Variants in TRAPPC9 observed in about 807,000 individuals in gnomAD.
The protein encoded by TRAPPC9 is IKK2 binding protein.
In TRAPPC9, 83 loss-of-function variants were observed where a neutral mutation model predicts 124.0. The ratio of observed to expected loss-of-function variants is 0.67; its 90% CI spans 0.56 to 0.80. TRAPPC9 has a LOEUF of 0.80. Among genes scored for constraint, TRAPPC9 ranks in the 30% least tolerant of loss-of-function variants. The pLI is 0.00. For synonymous variants in TRAPPC9, 638 were observed against 617.5 expected, an observed-to-expected ratio of 1.03 and a Z score of -0.49; for missense variants, 1,302 against 1,508.3, an observed-to-expected ratio of 0.86 and a Z score of 2.27.
chr8:140,101,532 C>CTTGT, intron 17 of TRAPPC9, among the ~76,000 whole-genome samples: 1 of 78,722 alleles, frequency 1.3e-5, no homozygotes, highest in Non-Finnish European at 2.2e-5. Context: ...GTAGGGTTTT[C>CTTGT]TTTTTTTTGT....
intron 10 of TRAPPC9, among the ~76,000 whole-genome samples, 162 bp from the exon 11 acceptor site, chr8:140,300,776 G>T (rs994634129): frequency 6.6e-6 from 1 of 152,212 alleles, no homozygotes; most frequent in African/African-American, 2.4e-5. Context: ...CAGCAAGGAA[G>T]TGTTGCAACA....
At chr8:139,863,134 A>C (rs1828280047) in intron 21 of TRAPPC9, among the ~76,000 whole-genome samples, 1 of 152,244 alleles carries the variant, frequency 6.6e-6, no homozygotes, top group Non-Finnish European at 1.5e-5. Flanking sequence ...AATTGGCTGC[A>C]TTTTATGCAA....
intron 21 of TRAPPC9, among the ~76,000 whole-genome samples, chr8:139,836,710 C>T (rs906815401): frequency 5.9e-5 from 9 of 152,210 alleles, no homozygotes; most frequent in African/African-American, 2.2e-4. Context: ...ACCAAGGCTC[C>T]ACAAAATCTC....
At chr8:140,339,031 C>T (rs2067122897) in intron 9 of TRAPPC9, among the ~76,000 whole-genome samples, 1 of 146,532 alleles carries the variant, frequency 6.8e-6, no homozygotes, top group African/African-American at 2.5e-5. Flanking sequence ...CACCTACAGG[C>T]CGACGGGAAA....
chr8:139,786,852 G>A (rs1020063585), intron 21 of TRAPPC9, among the ~76,000 whole-genome samples: 1 of 152,156 alleles, frequency 6.6e-6, no homozygotes, highest in Non-Finnish European at 1.5e-5. Context: ...CTCACCTACA[G>A]TGACAGAAAA....
chr8:140,381,608 C>T (rs2068610387), intron 7 of TRAPPC9, among the ~76,000 whole-genome samples: 1 of 128,704 alleles, frequency 7.8e-6, no homozygotes, highest in Non-Finnish European at 1.5e-5. Context: ...GCGGAGGCTG[C>T]AGTGAGTCGA....
At chr8:139,879,026 G>C (rs1436924374) in intron 21 of TRAPPC9, among the ~76,000 whole-genome samples, 2 of 152,246 alleles carry the variant, frequency 1.3e-5, no homozygotes, top group East Asian at 1.9e-4. Flanking sequence ...CTCCAAGTCA[G>C]AGAAAGAATC....
chr8:139,751,609 C>A (rs1446605507), intron 21 of TRAPPC9, among the ~76,000 whole-genome samples: 1 of 152,072 alleles, frequency 6.6e-6, no homozygotes, highest in Non-Finnish European at 1.5e-5. Context: ...ACTCCCATGC[C>A]CCAACCCTAG....
chr8:140,096,311 T>C (rs1451635615), intron 17 of TRAPPC9: 1 of 152,172 alleles, frequency 6.6e-6, no homozygotes, highest in Non-Finnish European at 1.5e-5. Flanking sequence ...GTAAAAACAT[T>C]AGATTTTACT....
At chr8:139,998,608 G>T (rs192307986) in intron 18 of TRAPPC9, among the ~76,000 whole-genome samples, 47 of 152,320 alleles carry the variant, frequency 3.1e-4, no homozygotes, top group Non-Finnish European at 2.2e-4. Flanking sequence ...TGTAGTCCCA[G>T]CTACTTGGGA....
intron 21 of TRAPPC9, among the ~76,000 whole-genome samples, chr8:139,845,645 T>TG (rs2130907126): frequency 6.6e-6 from 1 of 152,338 alleles, no homozygotes; most frequent in African/African-American, 2.4e-5. Flanking sequence ...CCCCGCAGTG[T>TG]GGGAGCAGCT....
chr8:140,372,737 G>C (rs987322195), intron 7 of TRAPPC9, among the ~76,000 whole-genome samples: 2 of 152,198 alleles, frequency 1.3e-5, no homozygotes, highest in Admixed American at 6.5e-5. Context: ...TGAGAACACA[G>C]AGAAAAGACG....
chr8:140,307,021 C>T (rs1390030663), intron 10 of TRAPPC9, among the ~76,000 whole-genome samples: 1 of 152,182 alleles, frequency 6.6e-6, no homozygotes, highest in African/African-American at 2.4e-5. Flanking sequence ...TTTAGGGGAA[C>T]TACACACGGT....
At chr8:139,797,755 G>A (rs1823203155) in intron 21 of TRAPPC9, among the ~76,000 whole-genome samples, 1 of 152,166 alleles carries the variant, frequency 6.6e-6, no homozygotes. Flanking sequence ...TTGAAAATCT[G>A]ATTCTTTCTC....
At chr8:139,915,598 AC>A (rs1175866661) in intron 19 of TRAPPC9, among the ~76,000 whole-genome samples, 6 of 152,114 alleles carry the variant, frequency 3.9e-5, no homozygotes, top group African/African-American at 1.4e-4. Flanking sequence ...AAGGCGTATT[AC>A]CCGCTGTTCG....
At chr8:140,178,096 T>A (rs11785535) in intron 17 of TRAPPC9, among the ~76,000 whole-genome samples, 52,160 of 152,002 alleles carry the variant, frequency 0.34, 10,450 homozygotes, top group South Asian at 0.49. Context: ...CGAGTTTTAT[T>A]TCTTCCTTTC....
chr8:140,162,988 T>C (rs1436059013), intron 17 of TRAPPC9, among the ~76,000 whole-genome samples: 1 of 151,884 alleles, frequency 6.6e-6, no homozygotes, highest in African/African-American at 2.4e-5. Context: ...CAAGACCCTG[T>C]CTCAAAAAAA....
chr8:139,795,575 G>A (rs1822996330), intron 21 of TRAPPC9, among the ~76,000 whole-genome samples: 1 of 151,956 alleles, frequency 6.6e-6, no homozygotes, highest in South Asian at 2.1e-4. Context: ...GGGGGCGGCG[G>A]GGAGAAGTGA....
At chr8:139,768,776 G>A (rs968363942) in intron 21 of TRAPPC9, among the ~76,000 whole-genome samples, 3 of 152,148 alleles carry the variant, frequency 2.0e-5, no homozygotes, top group African/African-American at 7.2e-5. Context: ...GGGCTGAATC[G>A]TGACTCCAAA....
Sources: allele counts gnomAD v4.1 joint callset (sites outside exome capture counted in the v4.1 genomes callset), GRCh38; gene constraint gnomAD v4.1.1; transcripts MANE v1.5; gene names NCBI Gene and HGNC (gene_info 2026-07-23, HGNC 2026-07-21).